Variants in COL21A1 observed in about 807,000 individuals in gnomAD.
COL21A1 encodes collagen type XXI alpha 1 chain, also known as collagen alpha-1(XXI) chain.
COL21A1 carries 149 observed loss-of-function variants against 137.9 expected under a neutral mutation model. The observed-to-expected ratio is 1.08, with a 90% CI of 0.95 to 1.24. The LOEUF (loss-of-function observed/expected upper bound fraction) is 1.24. COL21A1 is among the 50% of genes most tolerant of loss of function. COL21A1 has a pLI of 0.00. For synonymous variants in COL21A1, 456 were observed against 391.5 expected (o/e 1.16, Z -1.95); for missense variants, 1,167 against 1,158.4 (o/e 1.01, Z -0.11).
chr6:56,195,517 AAG>A lies in COL21A1; in HGVS notation c.-38-12863_-38-12862del, dbSNP rs771857797. Among the ~76,000 whole-genome samples, 205 of 152,238 alleles carry A rather than the reference AAG, an allele frequency of 1.3e-3. 3 individuals are homozygous for A. Among genetic ancestry groups the A allele is most frequent in the Admixed American group, 4.7e-3 (72 of 15,298 alleles). ...GTTAACTTAGAATACTAAGAAAAAAAAGAGAGACAACTTGAATAAATACAATT... is the reference window on the plus strand; with the variant it reads ...GTTAACTTAGAATACTAAGAAAAAAAAGAGACAACTTGAATAAATACAATT... On this transcript the variant is annotated intron_variant, in intron 1 of 29. Coordinates refer to ENST00000244728, the MANE Select transcript of COL21A1 (RefSeq NM_030820.4).
At chr6:56,250,154 A>T (rs1782822260), upstream of COL21A1, among the ~76,000 whole-genome samples, 1 of 152,236 alleles carries the variant, frequency 6.6e-6, no homozygotes, top group Non-Finnish European at 1.5e-5. Flanking sequence ...ATACTTAGGG[A>T]AATATTCATA....
At chr6:56,355,900 T>A (rs1482445115) in intron 1 of COL21A1, among the ~76,000 whole-genome samples, 1 of 152,128 alleles carries the variant, frequency 6.6e-6, no homozygotes, top group Non-Finnish European at 1.5e-5. Context: ...AACTCATTAC[T>A]CTCCTAAACA....
intron 16 of COL21A1, among the ~76,000 whole-genome samples, chr6:56,119,777 T>G (rs1772290490): frequency 6.6e-6 from 1 of 152,114 alleles, no homozygotes; most frequent in African/African-American, 2.4e-5. Flanking sequence ...AACTCATTTT[T>G]GACAAAGATT....
At chr6:56,312,926 T>C (rs761295325) in intron 1 of COL21A1, among the ~76,000 whole-genome samples, 1 of 152,102 alleles carries the variant, frequency 6.6e-6, no homozygotes, top group Non-Finnish European at 1.5e-5. Context: ...AAGGAGGGTA[T>C]AGTCCACAGT....
intron 1 of COL21A1, among the ~76,000 whole-genome samples, chr6:56,190,299 A>G (rs956687927): frequency 3.9e-5 from 6 of 152,246 alleles, no homozygotes; most frequent in African/African-American, 1.4e-4. Context: ...ACCATCAGAG[A>G]CTACTATAAA....
chr6:56,237,293 T>A (rs548336726), intron 1 of COL21A1, among the ~76,000 whole-genome samples: 1 of 152,180 alleles, frequency 6.6e-6, no homozygotes, highest in East Asian at 1.9e-4. Context: ...CTCCCTTGAG[T>A]AAAACAGGTT....
chr6:56,163,868 A>T (rs2152267051), intron 9 of COL21A1, among the ~76,000 whole-genome samples: 1 of 152,340 alleles, frequency 6.6e-6, no homozygotes, highest in East Asian at 1.9e-4. Context: ...TGTAAATGTA[A>T]CTGGAACAAG....
intron 21 of COL21A1, among the ~76,000 whole-genome samples, chr6:56,069,804 C>T (rs560256040): frequency 4.6e-4 from 69 of 150,882 alleles, no homozygotes; most frequent in African/African-American, 1.5e-3. Context: ...TATTGTTAAA[C>T]ATTACAGTTT....
intron 10 of COL21A1, among the ~76,000 whole-genome samples, chr6:56,146,739 A>G (rs1435403415): frequency 3.3e-5 from 5 of 152,186 alleles, no homozygotes; most frequent in Non-Finnish European, 7.4e-5. Context: ...AGCAGAAGCA[A>G]GCTGAAAAAC....
chr6:56,203,535 G>C (rs1407395086), intron 1 of COL21A1, among the ~76,000 whole-genome samples: 1 of 152,192 alleles, frequency 6.6e-6, no homozygotes, highest in Non-Finnish European at 1.5e-5. Flanking sequence ...GGGCATGTGA[G>C]ACATAAGACA....
intron 1 of COL21A1, among the ~76,000 whole-genome samples, chr6:56,215,381 C>T (rs1229828612): frequency 2.0e-5 from 3 of 152,078 alleles, no homozygotes; most frequent in African/African-American, 7.2e-5. Flanking sequence ...ACTCCAGACT[C>T]ATACACTACT....
chr6:56,088,852 T>C lies in COL21A1; in HGVS notation c.1813-11279A>G, dbSNP rs546407680. Reference sequence around the variant, plus strand: ...CCCAGGCTGGAGTACAGTGGAGTGATCTCTGCTGAATGGGGCCTCGACCTC... The same window carrying C: ...CCCAGGCTGGAGTACAGTGGAGTGACCTCTGCTGAATGGGGCCTCGACCTC... On this transcript the variant is annotated intron_variant, in intron 17 of 29. Transcript: ENST00000244728. Among the ~76,000 whole-genome samples the C allele has an allele frequency of 7.0e-4, 107 of 152,246 alleles. 3 individuals are homozygous for C. Among genetic ancestry groups the C allele is most frequent in the Admixed American group, 3.5e-3 (54 of 15,286 alleles).
chr6:56,289,591 T>A (rs1430741651), intron 1 of COL21A1, among the ~76,000 whole-genome samples: 1 of 152,182 alleles, frequency 6.6e-6, no homozygotes, highest in East Asian at 1.9e-4. Context: ...GTGTGTAGGA[T>A]AAATGCCCTT....
chr6:56,244,613 C>G (rs1782539056), intron 1 of COL21A1, among the ~76,000 whole-genome samples: 2 of 152,060 alleles, frequency 1.3e-5, no homozygotes, highest in Non-Finnish European at 2.9e-5. Flanking sequence ...GATCTGATTT[C>G]TTGAATGGAG....
intron 1 of COL21A1, among the ~76,000 whole-genome samples, chr6:56,256,949 C>A (rs1013680194): frequency 6.6e-6 from 1 of 152,010 alleles, no homozygotes. Context: ...CAGAGGAGCT[C>A]TAAATTTAAA....
chr6:56,273,825 C>CA (rs921065090), intron 1 of COL21A1, among the ~76,000 whole-genome samples: 1 of 152,030 alleles, frequency 6.6e-6, no homozygotes. Flanking sequence ...GAAACTATTC[C>CA]AAAAAAGGAA....
chr6:56,331,429 T>C (rs577626485), intron 1 of COL21A1, among the ~76,000 whole-genome samples: 25 of 152,240 alleles, frequency 1.6e-4, no homozygotes, highest in African/African-American at 5.5e-4. Context: ...ATTTAAGTCA[T>C]TAATCCATCT....
At chr6:56,384,888 G>A (rs984761261) in intron 1 of COL21A1, among the ~76,000 whole-genome samples, 1 of 152,194 alleles carries the variant, frequency 6.6e-6, no homozygotes, top group African/African-American at 2.4e-5. Context: ...AGGCTTCAAG[G>A]ATATATGTTG....
chr6:56,354,079 A>G (rs1387277757), intron 1 of COL21A1, among the ~76,000 whole-genome samples: 1 of 152,246 alleles, frequency 6.6e-6, no homozygotes, highest in Non-Finnish European at 1.5e-5. Flanking sequence ...ACACTCAAGA[A>G]CATGGATGAA....
Sources: gnomAD v4.1 joint callset for allele counts (sites outside exome capture counted in the v4.1 genomes callset) on GRCh38, gnomAD v4.1.1 for gene constraint, MANE v1.5 for transcripts, NCBI Gene and HGNC (gene_info 2026-07-23, HGNC 2026-07-21) for gene names.